APOL4: variants seen among roughly 807,000 people sequenced by gnomAD.
APOL4 encodes the protein apolipoprotein L4, also known as apolipoprotein L, 4.
A neutral mutation model predicts 12.1 loss-of-function variants in APOL4; 14 were observed. That is an observed-to-expected ratio of 1.16 (90% CI 0.76 to 1.81). The LOEUF is 1.81. Among genes scored for constraint, APOL4 ranks in the 40% most tolerant of loss-of-function variants. The probability of loss-of-function intolerance (pLI) is 0.00; values close to 1 mark genes in which losing one functional copy is unlikely to be tolerated. For missense variants in APOL4, 432 were observed against 423.1 expected, an observed-to-expected ratio of 1.02 and a Z score of -0.18; for synonymous variants, 171 against 160.6, an observed-to-expected ratio of 1.06 and a Z score of -0.49.
At position 36,190,827 on chromosome 22, in the gene APOL4, G is replaced by A; in HGVS notation, c.*248C>T. Reference sequence around the variant, plus strand: ...GACATACATCCTCCTCAGCTGACAGGATTAGGAGATTAAAGTAAAGACAGG... The same window carrying A: ...GACATACATCCTCCTCAGCTGACAGAATTAGGAGATTAAAGTAAAGACAGG... On this transcript the variant is annotated 3_prime_UTR_variant, in exon 4 of 4. Transcript: ENST00000683024. 2.0e-6 allele frequency: 1 copy of A among 489,570 alleles called. No homozygotes were observed. The highest frequency in any genetic ancestry group is 4.0e-5 in the East Asian group (1 of 25,074). The allele number at this position is 489,570 out of a possible 1,614,324, so 30.3% of individuals were successfully genotyped here.
In APOL4 at chr22:36,191,628, C is replaced by T. The variant is rs370544575; in HGVS notation, c.494G>A (p.Ser165Asn). 6 of 1,613,712 alleles carry T rather than the reference C, an allele frequency of 3.7e-6. No individual in the cohort carries two copies. The African/African-American group carries it at 6.7e-5, about 18-fold the overall frequency. Residue 165 changes from serine to asparagine, a missense_variant, in exon 4 of 4, where the codon AGC becomes AAC. Transcript: ENST00000683024. ...TACCCCAGCTGCAGTAATGCTCAGG[C>T]TCAGCCCTGCTGTAAATGGTGCCAA... is the stretch of plus-strand genomic sequence containing the variant. ...VMLAPFTAGLSLSITAAGVGL... is the reference protein window; with the variant it reads ...VMLAPFTAGLNLSITAAGVGL...
At chr22:36,197,899 A>T (rs1488153338) in intron 2 of APOL4, 1 of 1,473,754 alleles carries the variant, frequency 6.8e-7, no homozygotes, top group Non-Finnish European at 9.0e-7. Context: ...GGTCTGACCC[A>T]CCTTTCACCC....
chr22:36,202,793 C>T (rs955102103), upstream of APOL4, among the ~76,000 whole-genome samples: 2 of 152,040 alleles, frequency 1.3e-5, no homozygotes, highest in South Asian at 2.1e-4. Context: ...AGAAATTACC[C>T]CCCTGATTTC....
upstream of APOL4, chr22:36,202,018 G>A (rs1303418958): frequency 1.9e-6 from 3 of 1,614,128 alleles, no homozygotes; most frequent in Non-Finnish European, 8.5e-7. Flanking sequence ...AAGATTTTCA[G>A]CAAAGCAGCT....
intron 1 of APOL4, among the ~76,000 whole-genome samples, chr22:36,200,481 C>T (rs1320367148): frequency 5.3e-5 from 8 of 152,222 alleles, no homozygotes; most frequent in Non-Finnish European, 7.3e-5. Context: ...TGCCAGATGC[C>T]GGCCTAGCCC....
At chr22:36,197,099 G>A (rs377468588) in intron 2 of APOL4, among the ~76,000 whole-genome samples, 4 of 152,160 alleles carry the variant, frequency 2.6e-5, no homozygotes, top group African/African-American at 4.8e-5. Flanking sequence ...AGCTGGCCCC[G>A]TTAGTAAACC....
upstream of APOL4, chr22:36,202,035 A>T (rs6000181): frequency 0.094 from 151,353 of 1,612,546 alleles, 7,547 homozygotes; most frequent in Middle Eastern, 0.11. Flanking sequence ...AGCTCCCTCC[A>T]TGTCGCTGCG....
intron 1 of APOL4, 80 bp from the exon 2 acceptor site, chr22:36,199,456 G>A (rs927215375): frequency 6.2e-7 from 1 of 1,612,942 alleles, no homozygotes; most frequent in African/African-American, 1.3e-5. Context: ...CTGGGCCTCT[G>A]CAGATCCCTC....
chr22:36,197,964 T>C (rs2014462700), intron 2 of APOL4: 3 of 1,348,244 alleles, frequency 2.2e-6, no homozygotes, highest in South Asian at 1.9e-5. Context: ...AGAAGTTCCA[T>C]GCTTGCAACA....
intron 3 of APOL4, among the ~76,000 whole-genome samples, chr22:36,193,326 A>G (rs1287724631): frequency 6.6e-6 from 1 of 152,138 alleles, no homozygotes; most frequent in African/African-American, 2.4e-5. Flanking sequence ...TCCTGAATAA[A>G]GGCTTCCTTC....
At chr22:36,200,803 T>C (rs2014548568) in intron 1 of APOL4, among the ~76,000 whole-genome samples, 2 of 152,232 alleles carry the variant, frequency 1.3e-5, no homozygotes, top group South Asian at 4.1e-4. Flanking sequence ...TGGCTCTCAG[T>C]AGTCTCTTTA....
chr22:36,191,818 T>G lies in APOL4; in HGVS notation c.304A>C (p.Arg102=). 6.2e-7 allele frequency: 1 copy of G among 1,613,954 alleles called. No homozygotes were observed. ...KDMQQKEQQF[R]EWFLKEFPQI... ...GGAAACTCTTTCAAAAACCACTCCC[T>G]AAACTGCTGTTCTTTTTGCTGCATG... The change falls in exon 4 of 4, where the codon AGG becomes CGG. Residue 102 remains arginine (R), a synonymous_variant. Coordinates refer to ENST00000683024, the MANE Select transcript of APOL4 (RefSeq NM_001386885.1).
At position 36,189,399 on chromosome 22, in the gene APOL4, A is replaced by G. The variant is rs2014181483; in HGVS notation, c.*1676T>C. On this transcript the variant is annotated 3_prime_UTR_variant, in exon 4 of 4. Transcript: ENST00000683024. ...TTCAAGCAGGGGACATGCACCCTTA[A>G]ATAACCTAAAGGGGACCTGTCACAC... 6.6e-6 allele frequency: 1 copy of G among 152,070 alleles called. No individual in the cohort carries two copies. Among genetic ancestry groups the G allele is most frequent in the South Asian group, 2.1e-4 (1 of 4,800 alleles). The allele number at this position is 152,070 out of a possible 1,614,324, so 9.4% of individuals were successfully genotyped here.
upstream of APOL4, chr22:36,202,022 A>G (rs2014597640): frequency 1.2e-6 from 2 of 1,614,118 alleles, no homozygotes; most frequent in Non-Finnish European, 1.7e-6. Flanking sequence ...TTTTCAGCAA[A>G]GCAGCTCCCT....
chr22:36,198,622 A>G (rs2014480250), intron 2 of APOL4, among the ~76,000 whole-genome samples: 1 of 152,124 alleles, frequency 6.6e-6, no homozygotes, highest in Admixed American at 6.5e-5. Flanking sequence ...GGGGTCAGGT[A>G]GAGGGGATGG....
upstream of APOL4, among the ~76,000 whole-genome samples, chr22:36,202,343 C>G (rs1019969084): frequency 6.6e-6 from 1 of 152,222 alleles, no homozygotes; most frequent in Non-Finnish European, 1.5e-5. Flanking sequence ...CTCCTGGCCT[C>G]AAGTGATCTT....
At chr22:36,204,202 C>G (rs140740162), upstream of APOL4, among the ~76,000 whole-genome samples, 3,496 of 152,298 alleles carry the variant, frequency 0.023, 65 homozygotes, top group African/African-American at 0.054. Context: ...AGCAGCCGCA[C>G]CCCGGGGCCA....
chr22:36,196,206 T>C (rs749605622), intron 2 of APOL4, among the ~76,000 whole-genome samples: 4 of 152,230 alleles, frequency 2.6e-5, no homozygotes, highest in Non-Finnish European at 5.9e-5. Flanking sequence ...ATCAGTGGGT[T>C]ATGACAATAG....
At chr22:36,192,295 G>A (rs554651276) in intron 3 of APOL4, among the ~76,000 whole-genome samples, 37 of 152,246 alleles carry the variant, frequency 2.4e-4, no homozygotes, top group Middle Eastern at 3.4e-3. Flanking sequence ...AGCCGAGATC[G>A]CGCCACTGCA....
Sources: gnomAD v4.1 joint callset for allele counts (sites outside exome capture counted in the v4.1 genomes callset) on GRCh38, gnomAD v4.1.1 for gene constraint, MANE v1.5 for transcripts, NCBI Gene and HGNC (gene_info 2026-07-23, HGNC 2026-07-21) for gene names.